The following EPS15 variants were observed in gnomAD, a reference collection of about 807,000 sequenced individuals.
EPS15 encodes epidermal growth factor receptor substrate 15.
Under a neutral mutation model 113.8 loss-of-function variants are expected in EPS15, and 72 were observed. That is an observed-to-expected ratio of 0.63 (90% CI 0.52 to 0.77). EPS15 has a LOEUF of 0.77. Among genes scored for constraint, EPS15 ranks in the 30% least tolerant of loss-of-function variants. The pLI is 0.00. For synonymous variants in EPS15, 344 were observed against 363.4 expected (o/e 0.95, Z 0.61); for missense variants, 1,048 against 1,045.8 (o/e 1.00, Z -0.03).
At chr1:51,447,879 G>T in intron 9 of EPS15, 167 bp downstream of exon 9, 1 of 687,488 alleles carries the variant, frequency 1.5e-6, no homozygotes, top group Non-Finnish European at 1.8e-6. Context: ...ATAGTAAACT[G>T]TTAAATGCCA....
At chr1:51,468,654 A>G (rs1357709266) in intron 4 of EPS15, 86 bp from the exon 5 acceptor site, 2 of 845,282 alleles carry the variant, frequency 2.4e-6, no homozygotes, top group Non-Finnish European at 1.9e-6. Context: ...TAAAAATATA[A>G]AACAATTCAT....
At chr1:51,368,227 G>A (rs753661718) in intron 21 of EPS15, among the ~76,000 whole-genome samples, 2 of 152,200 alleles carry the variant, frequency 1.3e-5, no homozygotes, top group African/African-American at 2.4e-5. Flanking sequence ...TGTAAAGTGT[G>A]CCCGTATCTC....
At chr1:51,493,524 C>CT (rs1644275174) in intron 1 of EPS15, among the ~76,000 whole-genome samples, 2 of 127,354 alleles carry the variant, frequency 1.6e-5, no homozygotes, top group Non-Finnish European at 3.3e-5. Flanking sequence ...GACTCAGTCT[C>CT]AAATTAAATA....
intron 1 of EPS15, among the ~76,000 whole-genome samples, chr1:51,485,163 G>A (rs1015041598): frequency 1.3e-5 from 2 of 152,162 alleles, no homozygotes; most frequent in African/African-American, 2.4e-5. Flanking sequence ...CTATTAATGA[G>A]TCAGCTTCAA....
At position 51,508,282 on chromosome 1, in the gene EPS15, AAGAGAGAAAGAGAG is replaced by A. The variant is rs1390162735; in HGVS notation, c.33+10903_33+10916del. Among the ~76,000 whole-genome samples the A allele has an allele frequency of 1.3e-4, 18 of 142,278 alleles. No individual in the cohort carries two copies. The East Asian group carries it at 1.8e-3, about 14-fold the overall frequency. 93.3% of individuals were successfully genotyped at this position (142,278 alleles called of 152,430 possible). On this transcript the variant is annotated intron_variant, in intron 1 of 24. Transcript: ENST00000371733. ...AGAGAGAGAGAGAGAGAAAGAGAGA[AAGAGAGAAAGAGAG>A]AGAGAGAAAGAGAGAAAGAGAGAAA...
At chr1:51,456,829 A>G (rs1269832237) in intron 8 of EPS15, among the ~76,000 whole-genome samples, 1 of 152,238 alleles carries the variant, frequency 6.6e-6, no homozygotes, top group Admixed American at 6.5e-5. Context: ...ATTAAAGTAA[A>G]AGGATAAAGA....
At position 51,476,379 on chromosome 1, in the gene EPS15, G is replaced by A. The variant is rs190068055; in HGVS notation, c.76-3431C>T. Among the ~76,000 whole-genome samples, 8 of 152,214 alleles carry A rather than the reference G, an allele frequency of 5.3e-5. No homozygotes were observed. The East Asian group carries it at 1.5e-3, about 29-fold the overall frequency. Reference sequence around the variant, plus strand: ...TGTTTGTGTCCTCTTTTATTTCGCTGAGCAGTGGCTTATACTTCTCCTTGA... The same window carrying A: ...TGTTTGTGTCCTCTTTTATTTCGCTAAGCAGTGGCTTATACTTCTCCTTGA... On this transcript the variant is annotated intron_variant, in intron 2 of 24. Transcript: ENST00000371733.
chr1:51,363,832 G>A (rs1646443757), intron 23 of EPS15, 34 bp downstream of exon 23: 6 of 1,580,022 alleles, frequency 3.8e-6, no homozygotes, highest in South Asian at 1.2e-5. Context: ...GAAAAGCCAT[G>A]CAGTTGACTG....
At chr1:51,387,705 G>C (rs1019812238) in intron 21 of EPS15, among the ~76,000 whole-genome samples, 38 of 152,184 alleles carry the variant, frequency 2.5e-4, no homozygotes, top group African/African-American at 8.9e-4. Context: ...AACCAACAAA[G>C]ATCAAAAGAG....
intron 1 of EPS15, among the ~76,000 whole-genome samples, chr1:51,511,485 A>ACT (rs1644620162): frequency 6.6e-6 from 1 of 152,162 alleles, no homozygotes; most frequent in Non-Finnish European, 1.5e-5. Context: ...ACAGAGCGAG[A>ACT]CTCTCTCTCA....
chr1:51,357,422 A>AT (rs1364504605), intron 24 of EPS15, among the ~76,000 whole-genome samples: 948 of 70,910 alleles, frequency 0.013, 7 homozygotes, highest in Non-Finnish European at 0.019. Context: ...ATATATATAT[A>AT]TATATTTTTT....
intron 1 of EPS15, 32 bp downstream of exon 1, chr1:51,519,167 G>A: frequency 2.1e-6 from 3 of 1,425,620 alleles, no homozygotes; most frequent in Non-Finnish European, 1.9e-6. Flanking sequence ...GCACCGGCCG[G>A]CCAAGCCCGG....
intron 13 of EPS15, among the ~76,000 whole-genome samples, chr1:51,414,421 AAAAAAAG>A (rs1373909366): frequency 1.3e-5 from 2 of 152,112 alleles, no homozygotes; most frequent in South Asian, 2.1e-4. Flanking sequence ...CATCTCAAAA[AAAAAAAG>A]AAAAAAGAAA....
chr1:51,515,853 GCTTA>G, intron 1 of EPS15, among the ~76,000 whole-genome samples: 1 of 152,296 alleles, frequency 6.6e-6, no homozygotes, highest in Admixed American at 6.5e-5. Flanking sequence ...CCACTTACTA[GCTTA>G]CTTACTAGCT....
intron 16 of EPS15, among the ~76,000 whole-genome samples, chr1:51,404,604 C>T (rs561440717): frequency 5.3e-5 from 8 of 152,234 alleles, no homozygotes; most frequent in African/African-American, 1.7e-4. Flanking sequence ...CTCTCTAATC[C>T]GTTTTCCACA....
intron 21 of EPS15, among the ~76,000 whole-genome samples, chr1:51,376,919 A>C (rs1646813760): frequency 1.3e-5 from 2 of 152,176 alleles, no homozygotes; most frequent in Admixed American, 6.6e-5. Context: ...ATTTGGGCAA[A>C]GTACACTGAA....
intron 8 of EPS15, among the ~76,000 whole-genome samples, chr1:51,451,293 A>G (rs1249938771): frequency 6.6e-6 from 1 of 151,738 alleles, no homozygotes; most frequent in Admixed American, 6.6e-5. Context: ...GTTCGAAACC[A>G]GCCTGGCCAA....
chr1:51,364,662 T>A (rs980222170), intron 22 of EPS15, among the ~76,000 whole-genome samples: 1 of 151,866 alleles, frequency 6.6e-6, no homozygotes, highest in Admixed American at 6.6e-5. Flanking sequence ...GCCTAGTTAT[T>A]TTTTTAATTT....
intron 1 of EPS15, among the ~76,000 whole-genome samples, chr1:51,496,582 C>G (rs1244442637): frequency 2.6e-5 from 4 of 152,194 alleles, no homozygotes; most frequent in African/African-American, 9.6e-5. Context: ...TCTTCACATT[C>G]AAAATCTGAA....
Sources: gnomAD v4.1 joint callset for allele counts (sites outside exome capture counted in the v4.1 genomes callset) on GRCh38, gnomAD v4.1.1 for gene constraint, MANE v1.5 for transcripts, NCBI Gene and HGNC (gene_info 2026-07-23, HGNC 2026-07-21) for gene names.